PREX2: variants seen among roughly 807,000 people sequenced by gnomAD.
The protein encoded by PREX2 is phosphatidylinositol-3,4,5-trisphosphate dependent Rac exchange factor 2, also known as phosphatidylinositol 3,4,5-trisphosphate-dependent Rac exchanger 2 protein.
Under a neutral mutation model 203.2 loss-of-function variants are expected in PREX2, and 107 were observed. That is an observed-to-expected ratio of 0.53 (90% CI 0.45 to 0.62). The LOEUF is 0.62. PREX2 is among the 20% of genes least tolerant of loss of function. The pLI is 0.00. For missense variants in PREX2, 1,777 were observed against 1,955.9 expected, an observed-to-expected ratio of 0.91 and a Z score of 1.72; for synonymous variants, 672 against 663.6, an observed-to-expected ratio of 1.01 and a Z score of -0.19.
At chr8:68,167,123 T>G (rs1811776326) in intron 35 of PREX2, among the ~76,000 whole-genome samples, 1 of 152,144 alleles carries the variant, frequency 6.6e-6, no homozygotes, top group African/African-American at 2.4e-5. Context: ...TGTTTGAATT[T>G]ACTGAGAATT....
chr8:68,013,609 A>G (rs1434065958), intron 1 of PREX2, among the ~76,000 whole-genome samples: 1 of 152,222 alleles, frequency 6.6e-6, no homozygotes, highest in Non-Finnish European at 1.5e-5. Flanking sequence ...TTATCTTCCA[A>G]AGAATTGTGA....
rs1303920101 is a variant in PREX2 at position 68,191,916 on chromosome 8, T to C, written c.4413+128T>C. On this transcript the variant is annotated intron_variant, in intron 36 of 39. Transcript: ENST00000288368. The stretch of plus-strand genomic sequence containing the variant: ...ATCTAAGTAGGGAGCTAGTCTGTCA[T>C]GAGACAGTCTCTTCTTTATTCATTT... The C allele has an allele frequency of 1.4e-5, 9 of 639,404 alleles. No homozygotes were observed. In the East Asian group the frequency reaches 2.2e-4, roughly 16 times the overall value. 39.6% of individuals were successfully genotyped at this position (639,404 alleles called of 1,614,324 possible).
At chr8:68,186,719 G>A (rs1024303781) in intron 35 of PREX2, among the ~76,000 whole-genome samples, 1 of 151,930 alleles carries the variant, frequency 6.6e-6, no homozygotes, top group African/African-American at 2.4e-5. Flanking sequence ...TCACCATGTT[G>A]GTCAGGTTGG....
intron 1 of PREX2, among the ~76,000 whole-genome samples, chr8:68,014,571 C>T (rs1455763532): frequency 6.6e-6 from 1 of 152,088 alleles, no homozygotes; most frequent in Non-Finnish European, 1.5e-5. Flanking sequence ...TTATATGCAG[C>T]TTTGATTGTG....
At chr8:68,030,926 T>C (rs995952449) in intron 6 of PREX2, among the ~76,000 whole-genome samples, 4 of 152,176 alleles carry the variant, frequency 2.6e-5, no homozygotes, top group Non-Finnish European at 4.4e-5. Flanking sequence ...TTAGCATTTA[T>C]GCATCATGAT....
intron 25 of PREX2, among the ~76,000 whole-genome samples, chr8:68,112,233 T>A (rs1810549241): frequency 6.6e-6 from 1 of 152,222 alleles, no homozygotes; most frequent in African/African-American, 2.4e-5. Context: ...AGTTAAAGAC[T>A]TTTGCCCTGC....
At chr8:68,187,566 T>C (rs533563778) in intron 35 of PREX2, among the ~76,000 whole-genome samples, 50 of 152,184 alleles carry the variant, frequency 3.3e-4, no homozygotes, top group Non-Finnish European at 5.7e-4. Flanking sequence ...CTAATATCCA[T>C]TTTGAAAATA....
intron 38 of PREX2, 64 bp from the exon 39 acceptor site, chr8:68,224,495 T>C (rs371404853): frequency 4.5e-5 from 56 of 1,235,870 alleles, no homozygotes; most frequent in Non-Finnish European, 6.6e-5. Context: ...CACACAAATG[T>C]TAATGGTATG....
chr8:68,040,731 T>C (rs1255875386), intron 7 of PREX2, among the ~76,000 whole-genome samples: 1 of 152,190 alleles, frequency 6.6e-6, no homozygotes, highest in Non-Finnish European at 1.5e-5. Context: ...TTTACTAGAT[T>C]AGACTGCAAG....
chr8:67,993,131 A>G (rs1338717147), intron 1 of PREX2, among the ~76,000 whole-genome samples: 1 of 152,188 alleles, frequency 6.6e-6, no homozygotes, highest in Non-Finnish European at 1.5e-5. Flanking sequence ...ATGTATTTAT[A>G]GGTGGTATTC....
At chr8:68,115,358 G>C (rs907633588) in intron 25 of PREX2, among the ~76,000 whole-genome samples, 2 of 152,116 alleles carry the variant, frequency 1.3e-5, no homozygotes, top group African/African-American at 4.8e-5. Flanking sequence ...AGGTGGTGAT[G>C]GTTGTGCTAA....
chr8:68,207,345 A>G (rs1326021329), intron 37 of PREX2, among the ~76,000 whole-genome samples: 1 of 152,238 alleles, frequency 6.6e-6, no homozygotes, highest in East Asian at 1.9e-4. Context: ...ATCACTTCCC[A>G]GAATATATTT....
At chr8:68,156,409 C>T (rs572296138) in intron 34 of PREX2, among the ~76,000 whole-genome samples, 139 of 152,130 alleles carry the variant, frequency 9.1e-4, no homozygotes, top group Non-Finnish European at 1.6e-3. Context: ...ACATATGTTG[C>T]GAATATGTAC....
intron 37 of PREX2, among the ~76,000 whole-genome samples, chr8:68,197,694 A>T (rs1314671471): frequency 2.0e-5 from 3 of 149,046 alleles, no homozygotes; most frequent in Non-Finnish European, 3.0e-5. Context: ...GTGGCAGATT[A>T]TATATATACA....
At chr8:68,024,509 A>G (rs1412531672) in intron 4 of PREX2, among the ~76,000 whole-genome samples, 4 of 151,864 alleles carry the variant, frequency 2.6e-5, no homozygotes, top group East Asian at 1.9e-4. Flanking sequence ...CTATTTGTAT[A>G]TCTTTTTCTG....
At chr8:67,977,298 A>G (rs1169853160) in intron 1 of PREX2, among the ~76,000 whole-genome samples, 10 of 152,222 alleles carry the variant, frequency 6.6e-5, no homozygotes, top group African/African-American at 2.4e-4. Context: ...TTCAGCTTGC[A>G]TAACCGTGAG....
intron 8 of PREX2, among the ~76,000 whole-genome samples, chr8:68,049,244 T>G (rs1808451598): frequency 6.6e-6 from 1 of 151,704 alleles, no homozygotes; most frequent in Admixed American, 6.6e-5. Context: ...TAAATATTTA[T>G]GAAGAAATTA....
chr8:68,082,061 T>G (rs2129611945), intron 17 of PREX2: 1 of 151,472 alleles, frequency 6.6e-6, no homozygotes, highest in Non-Finnish European at 1.5e-5. Context: ...TTCATTCATT[T>G]AGAAGTATTT....
intron 23 of PREX2, among the ~76,000 whole-genome samples, chr8:68,107,514 A>G (rs752292281): frequency 1.3e-5 from 2 of 152,212 alleles, no homozygotes; most frequent in Admixed American, 1.3e-4. Flanking sequence ...CCATAAAGGC[A>G]GAGTGCACAC....
Sources: gnomAD v4.1 joint callset for allele counts (sites outside exome capture counted in the v4.1 genomes callset) on GRCh38, gnomAD v4.1.1 for gene constraint, MANE v1.5 for transcripts, NCBI Gene and HGNC (gene_info 2026-07-23, HGNC 2026-07-21) for gene names.